Variants in DIP2A observed in about 807,000 individuals in gnomAD.
DIP2A encodes the protein DIP2 acetate--CoA ligase A, also known as disco-interacting protein 2 homolog A.
DIP2A carries 85 observed loss-of-function variants against 177.4 expected under a neutral mutation model. The ratio of observed to expected loss-of-function variants is 0.48; its 90% CI spans 0.40 to 0.57. The LOEUF (loss-of-function observed/expected upper bound fraction) is 0.57, where lower values mean the gene tolerates loss of function less well. Among genes scored for constraint, DIP2A ranks in the 20% least tolerant of loss-of-function variants. The probability of loss-of-function intolerance (pLI) is 0.00; values close to 1 mark genes in which losing one functional copy is unlikely to be tolerated. For missense variants in DIP2A, 1,791 were observed against 2,100.2 expected, an observed-to-expected ratio of 0.85 and a Z score of 2.88; for synonymous variants, 886 against 881.8, an observed-to-expected ratio of 1.00 and a Z score of -0.08.
At chr21:46,512,467 T>A (rs1479711824) in intron 8 of DIP2A, among the ~76,000 whole-genome samples, 1 of 152,234 alleles carries the variant, frequency 6.6e-6, no homozygotes, top group Non-Finnish European at 1.5e-5. Flanking sequence ...TGATATTGTT[T>A]ATTTCATTAT....
intron 15 of DIP2A, 86 bp from the exon 16 acceptor site, chr21:46,538,397 T>G: frequency 6.7e-7 from 1 of 1,483,926 alleles, no homozygotes; most frequent in Non-Finnish European, 9.0e-7. Flanking sequence ...TACACCTCTC[T>G]GTGGGATGAG....
At position 46,556,807 on chromosome 21, in the gene DIP2A, A is replaced by T; in HGVS notation, c.3499-132A>T. On this transcript the variant is annotated intron_variant, in intron 29 of 37. Transcript: ENST00000417564. The surrounding 1 kb of genome is among the most constrained non-coding windows in gnomAD (Gnocchi z 4.5). Reference sequence around the variant, plus strand: ...TGGGGATTTGAGCCAACCGTCTTTTAAGGAAATAAATATGATGTTTGGTAG... The same window carrying T: ...TGGGGATTTGAGCCAACCGTCTTTTTAGGAAATAAATATGATGTTTGGTAG... The T allele has an allele frequency of 1.3e-6, 1 of 792,828 alleles. No homozygotes were observed. Among genetic ancestry groups the T allele is most frequent in the Non-Finnish European group, 1.9e-6 (1 of 530,334 alleles). The allele number at this position is 792,828 out of a possible 1,614,324, so 49.1% of individuals were successfully genotyped here.
At position 46,549,630 on chromosome 21, in the gene DIP2A, G is replaced by C. The variant is rs925782850; in HGVS notation, c.2523-141G>C. 4 of 1,427,714 alleles carry C rather than the reference G, an allele frequency of 2.8e-6. No homozygotes were observed. In the African/African-American group the frequency reaches 5.7e-5, roughly 20 times the overall value. 88.4% of individuals were successfully genotyped at this position (1,427,714 alleles called of 1,614,324 possible). On this transcript the variant is annotated intron_variant, in intron 21 of 37. Transcript: ENST00000417564. ...AGATTAGAATGATGAGTTACTTTTT[G>C]AATGTGCAGCAGGTAGCCCCATTTG...
chr21:46,583,069 ATCAT>A, the DIP2A span, among the ~76,000 whole-genome samples: 6 of 152,224 alleles, frequency 3.9e-5, no homozygotes, highest in African/African-American at 1.4e-4. Context: ...GAAAAGGTAC[ATCAT>A]TCAAACAGCA....
chr21:46,517,598 T>C (rs2058644874), intron 8 of DIP2A, among the ~76,000 whole-genome samples: 1 of 152,234 alleles, frequency 6.6e-6, no homozygotes, highest in African/African-American at 2.4e-5. Flanking sequence ...CTCTGATGGC[T>C]TCCCAGCCGT....
At chr21:46,562,321 G>A (rs1012234853) in intron 34 of DIP2A, among the ~76,000 whole-genome samples, 7 of 152,230 alleles carry the variant, frequency 4.6e-5, no homozygotes, top group African/African-American at 1.7e-4. Flanking sequence ...GCACAGAACA[G>A]CATCCTCTGA....
Position 46,537,412 on chromosome 21 carries a change from C to A in DIP2A, c.1708-34C>A, listed in dbSNP as rs111401776. The A allele has an allele frequency of 4.0e-4, 651 of 1,609,094 alleles. 4 individuals are homozygous for A. The African/African-American group carries it at 6.2e-3, about 15-fold the overall frequency. On this transcript the variant is annotated intron_variant, in intron 14 of 37. Coordinates refer to ENST00000417564, the MANE Select transcript of DIP2A (RefSeq NM_015151.4). This position sits in a 1 kb window ranked among gnomAD's most constrained non-coding sequence, Gnocchi z 4.1. Reference sequence around the variant, plus strand: ...TTTGCTTTTTCTGGTGTGGCTCGGGCCCACTCGCCCTAAGCATGTGTGCTC... The same window carrying A: ...TTTGCTTTTTCTGGTGTGGCTCGGGACCACTCGCCCTAAGCATGTGTGCTC...
intron 17 of DIP2A, 40 bp from the exon 18 acceptor site, chr21:46,541,716 C>G (rs1302414199): frequency 5.0e-6 from 8 of 1,612,094 alleles, no homozygotes; most frequent in Non-Finnish European, 6.8e-6. Flanking sequence ...GGAATTTCAT[C>G]CCCCTCGTCA....
At chr21:46,554,958 A>G in intron 28 of DIP2A, 25 bp downstream of exon 28, 2 of 1,544,012 alleles carry the variant, frequency 1.3e-6, no homozygotes, top group Non-Finnish European at 8.8e-7. Flanking sequence ...ACTGCCCAGG[A>G]CCAGTCCCTT....
the DIP2A span, among the ~76,000 whole-genome samples, chr21:46,581,255 T>C: frequency 6.6e-6 from 1 of 152,244 alleles, no homozygotes; most frequent in African/African-American, 2.4e-5. Flanking sequence ...TATTTGTGGT[T>C]GCATTGTGAA....
intron 6 of DIP2A, among the ~76,000 whole-genome samples, chr21:46,506,862 G>A (rs1305987754): frequency 7.5e-6 from 1 of 134,022 alleles, no homozygotes; most frequent in African/African-American, 2.8e-5. Context: ...GTGCAGTGGT[G>A]CGATCTTGGC....
intron 37 of DIP2A, 74 bp from the exon 38 acceptor site, chr21:46,567,296 C>T (rs919823654): frequency 1.9e-6 from 3 of 1,544,018 alleles, no homozygotes. Flanking sequence ...TTTGTGCCAC[C>T]CTTTCCCAAG....
chr21:46,555,062 A>T (rs978460643), intron 28 of DIP2A, 129 bp downstream of exon 28: 1 of 966,872 alleles, frequency 1.0e-6, no homozygotes, highest in Non-Finnish European at 1.5e-6. Context: ...GGCTGACAGC[A>T]GGGGGTGCCC....
the DIP2A span, among the ~76,000 whole-genome samples, chr21:46,583,184 G>A: frequency 6.6e-6 from 1 of 152,084 alleles, no homozygotes; most frequent in Non-Finnish European, 1.5e-5. Flanking sequence ...CAATCTATCA[G>A]GAAAAGCTAA....
chr21:46,464,844 T>TTTTTTTTTTTTTAAAAAAA (rs58546395), intron 1 of DIP2A, among the ~76,000 whole-genome samples: 1 of 111,218 alleles, frequency 9.0e-6, no homozygotes, highest in Non-Finnish European at 1.7e-5. Context: ...TTTTTTTTTT[T>TTTTTTTTTTTTTAAAAAAA]CAAGAAAACA....
the DIP2A span, among the ~76,000 whole-genome samples, chr21:46,580,668 G>A: frequency 1.3e-5 from 2 of 152,148 alleles, no homozygotes; most frequent in Admixed American, 6.5e-5. Flanking sequence ...GCATTTGCTT[G>A]TCTGAAAAGG....
chr21:46,488,034 G>T (rs2148458074), intron 2 of DIP2A, among the ~76,000 whole-genome samples: 1 of 152,280 alleles, frequency 6.6e-6, no homozygotes, highest in South Asian at 2.1e-4. Context: ...TAAAGGACTG[G>T]CATTTGAGTT....
intron 26 of DIP2A, 103 bp from the exon 27 acceptor site, chr21:46,554,472 C>T (rs900944052): frequency 6.5e-7 from 1 of 1,546,074 alleles, no homozygotes; most frequent in Non-Finnish European, 8.7e-7. Context: ...TCACCCATGC[C>T]CCCCCAGCAC....
intron 8 of DIP2A, among the ~76,000 whole-genome samples, chr21:46,526,029 C>G (rs1488795649): frequency 6.6e-6 from 1 of 151,774 alleles, no homozygotes; most frequent in Non-Finnish European, 1.5e-5. Flanking sequence ...CTGCCTCAGT[C>G]TCCTGAGTAG....
Sources: allele counts gnomAD v4.1 joint callset (sites outside exome capture counted in the v4.1 genomes callset), GRCh38; gene constraint gnomAD v4.1.1; non-coding constraint Gnocchi (gnomAD v3.1); transcripts MANE v1.5; gene names NCBI Gene and HGNC (gene_info 2026-07-23, HGNC 2026-07-21).